ZFYVE28: variants seen among roughly 807,000 people sequenced by gnomAD.
ZFYVE28 encodes lateral signaling target protein 2 homolog.
Under a neutral mutation model 82.1 loss-of-function variants are expected in ZFYVE28, and 40 were observed. The ratio of observed to expected loss-of-function variants is 0.49; its 90% CI spans 0.38 to 0.63. ZFYVE28 has a LOEUF of 0.63. Ranked by LOEUF, ZFYVE28 falls within the 30% of genes least tolerant of loss-of-function variation. The probability of loss-of-function intolerance (pLI) is 0.00; values close to 1 mark genes in which losing one functional copy is unlikely to be tolerated. For synonymous variants in ZFYVE28, 612 were observed against 546.1 expected, an observed-to-expected ratio of 1.12 and a Z score of -1.68; for missense variants, 1,321 against 1,242.1, an observed-to-expected ratio of 1.06 and a Z score of -0.96.
At chr4:2,371,755 G>A (rs1247974290) in intron 1 of ZFYVE28, among the ~76,000 whole-genome samples, 1 of 152,258 alleles carries the variant, frequency 6.6e-6, no homozygotes, top group Non-Finnish European at 1.5e-5. Context: ...AAGGGCTAAA[G>A]CCAAACTGGA....
rs952846570 is a variant in ZFYVE28 at position 2,335,709 on chromosome 4, C to T, written c.697G>A (p.Val233Met). 5 of 1,571,930 alleles carry T rather than the reference C, an allele frequency of 3.2e-6. No individual in the cohort carries two copies. Among genetic ancestry groups the T allele is most frequent in the Non-Finnish European group, 3.5e-6 (4 of 1,158,514 alleles). The change falls in exon 6 of 13, where the codon GTG becomes ATG. Residue 233 changes from valine (V) to methionine (M), a missense_variant. Val to Met is a conservative substitution (Grantham distance 21). This residue lies in a region of ZFYVE28 where 343 missense variants were observed against 408.4 expected (regional missense o/e 0.84). Coordinates refer to ENST00000290974, the MANE Select transcript of ZFYVE28 (RefSeq NM_020972.3). The surrounding 1 kb of genome is among the most constrained non-coding windows in gnomAD (Gnocchi z 5.8). Reference protein sequence around the residue: ...LMFSIPRLAIVCGLVVYADGP... With the variant: ...LMFSIPRLAIMCGLVVYADGP... The stretch of plus-strand genomic sequence containing the variant: ...CTGGGCACAGGAGGCACTCACCACA[C>T]GATGGCCAGCCTGGGGATGCTGAAC...
chr4:2,378,203 C>T (rs567782709), intron 1 of ZFYVE28, among the ~76,000 whole-genome samples: 1 of 152,236 alleles, frequency 6.6e-6, no homozygotes, highest in African/African-American at 2.4e-5. Context: ...TAACCAGGCA[C>T]GGTAGTGCAC....
chr4:2,375,195 C>T (rs1468680572), intron 1 of ZFYVE28, among the ~76,000 whole-genome samples: 1 of 152,210 alleles, frequency 6.6e-6, no homozygotes, highest in East Asian at 1.9e-4. Flanking sequence ...TCCAAGAAAG[C>T]TTTTCCCCGC....
intron 9 of ZFYVE28, 115 bp downstream of exon 9, chr4:2,273,947 G>C: frequency 8.2e-7 from 1 of 1,220,662 alleles, no homozygotes; most frequent in Non-Finnish European, 1.2e-6. Context: ...GGGCAGAGTG[G>C]GCTGCTGTTT....
intron 1 of ZFYVE28, among the ~76,000 whole-genome samples, chr4:2,359,384 C>T (rs1010808892): frequency 6.6e-6 from 1 of 152,152 alleles, no homozygotes; most frequent in African/African-American, 2.4e-5. Flanking sequence ...CCTCTGCCTC[C>T]TAAAGTACTG....
chr4:2,337,473 A>G lies in ZFYVE28; in HGVS notation c.545T>C (p.Val182Ala). 6.2e-7 allele frequency: 1 copy of G among 1,609,534 alleles called. No individual in the cohort carries two copies. The highest frequency in any genetic ancestry group is 1.1e-5 in the South Asian group (1 of 89,940). ...CACGTAGTACTCCCTGGGGGACTTC[A>G]CAGGCACCATGGCCGAGACGTAGCT... Reference protein sequence around the residue: ...ELSYVSAMVPVKSPREYYVQQ... With the variant: ...ELSYVSAMVPAKSPREYYVQQ... The change falls in exon 5 of 13, where the codon GTG becomes GCG. Residue 182 changes from valine to alanine, a missense_variant. Val to Ala is a moderately conservative substitution (Grantham distance 64). Coordinates refer to ENST00000290974, the MANE Select transcript of ZFYVE28 (RefSeq NM_020972.3).
At chr4:2,324,202 A>T (rs1373008951) in intron 6 of ZFYVE28, among the ~76,000 whole-genome samples, 1 of 152,136 alleles carries the variant, frequency 6.6e-6, no homozygotes, top group Non-Finnish European at 1.5e-5. Flanking sequence ...CAATCCAAGG[A>T]GTCTGGAAGC....
chr4:2,323,848 C>G (rs985045235), intron 6 of ZFYVE28, among the ~76,000 whole-genome samples: 1 of 152,062 alleles, frequency 6.6e-6, no homozygotes, highest in African/African-American at 2.4e-5. Flanking sequence ...CCAATTTCAT[C>G]CATTTCCCTA....
intron 1 of ZFYVE28, among the ~76,000 whole-genome samples, chr4:2,357,414 A>G (rs1397759315): frequency 1.3e-5 from 2 of 152,136 alleles, no homozygotes; most frequent in Non-Finnish European, 2.9e-5. Context: ...ACCAGGAGGG[A>G]GCATGGCCCC....
rs1727616434 is a variant in ZFYVE28 at position 2,372,035 on chromosome 4, G to A, written c.40-17962C>T. Among the ~76,000 whole-genome samples, 2 of 152,108 alleles carry A rather than the reference G, an allele frequency of 1.3e-5. No homozygotes were observed. Among genetic ancestry groups the A allele is most frequent in the South Asian group, 2.1e-4 (1 of 4,820 alleles). ...GGGGCTGGCAGGGGTGCAAGGCCAT[G>A]CACGAGCCTCAGGTCAGCCCAGTGG... On this transcript the variant is annotated intron_variant, in intron 1 of 12. Transcript: ENST00000290974. This position sits in a 1 kb window ranked among gnomAD's most constrained non-coding sequence, Gnocchi z 5.2.
rs75475214 is a variant in ZFYVE28, at chr4:2,333,764, C to T, written c.701+1941G>A. On this transcript the variant is annotated intron_variant, in intron 6 of 12. Coordinates refer to ENST00000290974, the MANE Select transcript of ZFYVE28 (RefSeq NM_020972.3). ...CTGTACCTGAGGCAAAGGCTCACAG[C>T]GCCCTGCGCCCTGGTGGAAACAAGG... 2.8e-3 allele frequency among the ~76,000 whole-genome samples: 424 copies of T among 152,348 alleles called. 12 individuals are homozygous for T. In the East Asian group the frequency reaches 0.062, roughly 22 times the overall value.
At chr4:2,279,942 G>A (rs1376108012) in intron 8 of ZFYVE28, among the ~76,000 whole-genome samples, 1 of 152,186 alleles carries the variant, frequency 6.6e-6, no homozygotes, top group African/African-American at 2.4e-5. Context: ...TTTATGGGGT[G>A]ATGAAAATGT....
In ZFYVE28 at chr4:2,304,863, C is replaced by T. The variant is rs768587282; in HGVS notation, c.1477G>A (p.Val493Met). The T allele has an allele frequency of 1.2e-6, 2 of 1,612,674 alleles. No homozygotes were observed. The highest frequency in any genetic ancestry group is 8.5e-7 in the Non-Finnish European group (1 of 1,179,850). Residue 493 changes from valine (V) to methionine (M), a missense_variant, in exon 8 of 13, where the codon GTG (valine) becomes ATG (methionine). Physicochemically the swap from Val to Met is conservative, Grantham distance 21. This residue lies in a region of ZFYVE28 where 978 missense variants were observed against 833.7 expected (regional missense o/e 1.17). Coordinates refer to ENST00000290974, the MANE Select transcript of ZFYVE28 (RefSeq NM_020972.3). ...GCCGTCTCTGCGTCATCCGCACCCA[C>T]CTCCCAGCCGTCCAGGTGCAGCCGC... ...DSRLHLDGWE[V>M]GADDAETAEM...
At chr4:2,377,493 TACA>T (rs1279255528) in intron 1 of ZFYVE28, among the ~76,000 whole-genome samples, 1 of 152,216 alleles carries the variant, frequency 6.6e-6, no homozygotes, top group Non-Finnish European at 1.5e-5. Flanking sequence ...TAGGAAATGT[TACA>T]ACGAGCATCT....
At chr4:2,353,860 T>C in intron 2 of ZFYVE28, 73 bp downstream of exon 2, 1 of 1,321,938 alleles carries the variant, frequency 7.6e-7, no homozygotes, top group Non-Finnish European at 9.7e-7. Flanking sequence ...GACAAAGCCT[T>C]GGTCTACTGA....
intron 1 of ZFYVE28, among the ~76,000 whole-genome samples, chr4:2,355,739 A>G (rs1455767815): frequency 6.6e-6 from 1 of 152,058 alleles, no homozygotes; most frequent in Non-Finnish European, 1.5e-5. Flanking sequence ...CACTATATTC[A>G]GCTAATTTTA....
chr4:2,271,350 G>A lies in ZFYVE28; in HGVS notation c.2493C>T (p.Thr831=), dbSNP rs1010789763. The A allele has an allele frequency of 2.4e-5, 39 of 1,612,840 alleles. No individual in the cohort carries two copies. The highest frequency in any genetic ancestry group is 5.0e-5 in the Admixed American group (3 of 60,004). Residue 831 remains threonine (T), a synonymous_variant, in exon 12 of 13, where the codon ACC becomes ACT. Coordinates refer to ENST00000290974, the MANE Select transcript of ZFYVE28 (RefSeq NM_020972.3). The stretch of plus-strand genomic sequence containing the variant: ...GGCAGTGGTGCTTCCGGCGGATGAC[G>A]GTGAAGGGTGCTTTGCACGCCGTGC... The part of the protein sequence containing the change: ...GFCTACKAPF[T]VIRRKHHCRS...
At chr4:2,318,069 C>G (rs1371170286) in intron 7 of ZFYVE28, among the ~76,000 whole-genome samples, 1 of 152,230 alleles carries the variant, frequency 6.6e-6, no homozygotes, top group African/African-American at 2.4e-5. Flanking sequence ...GCCTGTTTCA[C>G]CAGCCCTTGA....
At chr4:2,355,401 C>T (rs1192772775) in intron 1 of ZFYVE28, among the ~76,000 whole-genome samples, 2 of 146,354 alleles carry the variant, frequency 1.4e-5, no homozygotes, top group African/African-American at 5.0e-5. Flanking sequence ...CCTGCCTCAG[C>T]CTCCCGAATA....
Sources: gnomAD v4.1 joint callset for allele counts (sites outside exome capture counted in the v4.1 genomes callset) on GRCh38, gnomAD v4.1.1 for gene constraint, gnomAD v4.1.1 regional missense constraint, Gnocchi (gnomAD v3.1) non-coding constraint, MANE v1.5 for transcripts, NCBI Gene and HGNC (gene_info 2026-07-23, HGNC 2026-07-21) for gene names.